The following TRAF5 variants were observed in gnomAD, a reference collection of about 807,000 sequenced individuals.
The protein encoded by TRAF5 is TNF receptor associated factor 5, also known as TNF receptor-associated factor 5.
In TRAF5, 48 loss-of-function variants were observed where a neutral mutation model predicts 64.5. The ratio of observed to expected loss-of-function variants is 0.74; its 90% CI spans 0.59 to 0.95. The LOEUF is 0.95. Among genes scored for constraint, TRAF5 ranks in the 40% least tolerant of loss-of-function variants. The probability of loss-of-function intolerance (pLI) is 0.00; values close to 1 mark genes in which losing one functional copy is unlikely to be tolerated. For missense variants in TRAF5, 545 were observed against 662.8 expected, an observed-to-expected ratio of 0.82 and a Z score of 1.95; for synonymous variants, 206 against 240.5, an observed-to-expected ratio of 0.86 and a Z score of 1.33.
chr1:211,344,849 G>A (rs995992204), intron 1 of TRAF5, among the ~76,000 whole-genome samples: 3 of 152,022 alleles, frequency 2.0e-5, no homozygotes, highest in African/African-American at 7.2e-5. Flanking sequence ...GACCTCCCAG[G>A]CCCAAGCGAT....
At chr1:211,353,526 A>G in intron 2 of TRAF5, 69 bp downstream of exon 2, 1 of 1,471,298 alleles carries the variant, frequency 6.8e-7, no homozygotes, top group Non-Finnish European at 9.3e-7. Flanking sequence ...GTGGCCACTC[A>G]ACTGTTTTCA....
intron 1 of TRAF5, among the ~76,000 whole-genome samples, chr1:211,330,634 C>T (rs1572048927): frequency 6.6e-6 from 1 of 152,216 alleles, no homozygotes; most frequent in East Asian, 1.9e-4. Flanking sequence ...GCTCCTCACT[C>T]GGCACCGTGC....
intron 1 of TRAF5, among the ~76,000 whole-genome samples, chr1:211,347,541 T>C (rs1380155101): frequency 6.6e-6 from 1 of 152,156 alleles, no homozygotes; most frequent in Non-Finnish European, 1.5e-5. Context: ...AATAACCGAT[T>C]AGAGAGTGAA....
intron 2 of TRAF5, among the ~76,000 whole-genome samples, chr1:211,354,104 A>G (rs1481172703): frequency 6.6e-6 from 1 of 152,210 alleles, no homozygotes; most frequent in Non-Finnish European, 1.5e-5. Flanking sequence ...GCCCTCTAGA[A>G]TGTCCCAGTC....
At chr1:211,351,539 C>G (rs1702787751) in intron 1 of TRAF5, among the ~76,000 whole-genome samples, 1 of 151,716 alleles carries the variant, frequency 6.6e-6, no homozygotes, top group South Asian at 2.1e-4. Flanking sequence ...GAGTCATTGC[C>G]AAACTCAAGA....
At chr1:211,370,819 TGA>T (rs1703497644) in intron 9 of TRAF5, among the ~76,000 whole-genome samples, 1 of 152,198 alleles carries the variant, frequency 6.6e-6, no homozygotes, top group South Asian at 2.1e-4. Context: ...CTCTTCCACC[TGA>T]GAGAGCAGTC....
At chr1:211,351,067 C>T (rs1702772891) in intron 1 of TRAF5, among the ~76,000 whole-genome samples, 1 of 127,018 alleles carries the variant, frequency 7.9e-6, no homozygotes. Flanking sequence ...GAGTCTTGCT[C>T]TGACACTGGA....
At chr1:211,326,783 G>GCCCCGC (rs1005621698), upstream of TRAF5, 5 of 984,216 alleles carry the variant, frequency 5.1e-6, no homozygotes, top group Middle Eastern at 5.2e-4. This position sits in a 1 kb window ranked among gnomAD's most constrained non-coding sequence, Gnocchi z 5.0. Flanking sequence ...CCGCGCCCCG[G>GCCCCGC]CCCCGCCCCA....
At chr1:211,340,026 G>A (rs1321764839) in intron 1 of TRAF5, among the ~76,000 whole-genome samples, 4 of 152,190 alleles carry the variant, frequency 2.6e-5, no homozygotes, top group African/African-American at 9.7e-5. Context: ...TCACCAAAAG[G>A]TCATGCCACG....
chr1:211,346,352 T>A (rs1702606838), intron 1 of TRAF5: 1 of 985,328 alleles, frequency 1.0e-6, no homozygotes, highest in African/African-American at 1.7e-5. Flanking sequence ...TCTCAGGACC[T>A]AACCCAGGAT....
chr1:211,364,946 G>T (rs1051376120), intron 7 of TRAF5, among the ~76,000 whole-genome samples: 1 of 151,968 alleles, frequency 6.6e-6, no homozygotes, highest in African/African-American at 2.4e-5. Flanking sequence ...GCCAAGGTAG[G>T]CAGATCACTT....
intron 9 of TRAF5, among the ~76,000 whole-genome samples, chr1:211,370,871 T>C (rs1232945487): frequency 2.0e-5 from 3 of 152,180 alleles, no homozygotes; most frequent in Non-Finnish European, 4.4e-5. Context: ...GCACCACCTG[T>C]AGAGCTCAGG....
intron 1 of TRAF5, among the ~76,000 whole-genome samples, chr1:211,341,389 A>G (rs567678069): frequency 1.6e-4 from 25 of 152,372 alleles, no homozygotes; most frequent in African/African-American, 5.0e-4. Context: ...GCAGTGATTT[A>G]GGAGAGACTA....
At chr1:211,329,385 T>C (rs1213176937) in intron 1 of TRAF5, among the ~76,000 whole-genome samples, 2 of 152,164 alleles carry the variant, frequency 1.3e-5, no homozygotes, top group Non-Finnish European at 2.9e-5. Flanking sequence ...AGAATAACAC[T>C]GTACAGCTTA....
chr1:211,359,850 G>C (rs1236242125), intron 4 of TRAF5, 62 bp from the exon 5 acceptor site: 3 of 1,605,502 alleles, frequency 1.9e-6, no homozygotes, highest in Non-Finnish European at 2.6e-6. Context: ...AGGCCTTCCA[G>C]CTGACTTCTT....
intron 1 of TRAF5, among the ~76,000 whole-genome samples, chr1:211,350,266 G>A (rs1702745248): frequency 6.6e-6 from 1 of 150,568 alleles, no homozygotes; most frequent in African/African-American, 2.5e-5. Flanking sequence ...CCGGGCTGGA[G>A]TGCAGTGGCA....
intron 1 of TRAF5, among the ~76,000 whole-genome samples, chr1:211,351,103 T>C (rs1484900882): frequency 1.4e-5 from 2 of 141,300 alleles, no homozygotes; most frequent in African/African-American, 5.2e-5. Flanking sequence ...CTCAGCTCAC[T>C]GCAATCTCTG....
intron 1 of TRAF5, among the ~76,000 whole-genome samples, chr1:211,338,303 AAC>A: frequency 6.6e-6 from 1 of 152,262 alleles, no homozygotes; most frequent in African/African-American, 2.4e-5. Context: ...CATGTTCTAG[AAC>A]AGATTCTTAG....
intron 2 of TRAF5, among the ~76,000 whole-genome samples, chr1:211,353,927 A>C (rs1460472232): frequency 6.6e-6 from 1 of 152,208 alleles, no homozygotes. Context: ...AAGCAGGTAC[A>C]CTTTGGGGGG....
Sources: allele counts gnomAD v4.1 joint callset (sites outside exome capture counted in the v4.1 genomes callset), GRCh38; gene constraint gnomAD v4.1.1; non-coding constraint Gnocchi (gnomAD v3.1); transcripts MANE v1.5; gene names NCBI Gene and HGNC (gene_info 2026-07-23, HGNC 2026-07-21).